SCFD2: variants seen among roughly 807,000 people sequenced by gnomAD.
SCFD2 encodes sec1 family domain containing 2, also known as sec1 family domain-containing protein 2.
Under a neutral mutation model 58.9 loss-of-function variants are expected in SCFD2, and 54 were observed. The ratio of observed to expected loss-of-function variants is 0.92; its 90% CI spans 0.74 to 1.15. The LOEUF is 1.15. Among genes scored for constraint, SCFD2 ranks in the 50% most tolerant of loss-of-function variants. The probability of loss-of-function intolerance (pLI) is 0.00; values close to 1 mark genes in which losing one functional copy is unlikely to be tolerated. For synonymous variants in SCFD2, 321 were observed against 335.9 expected (o/e 0.96, Z 0.49); for missense variants, 805 against 836.6 (o/e 0.96, Z 0.47).
intron 2 of SCFD2, among the ~76,000 whole-genome samples, chr4:53,346,914 T>A (rs1474337015): frequency 6.6e-6 from 1 of 152,168 alleles, no homozygotes; most frequent in Admixed American, 6.5e-5. Context: ...GCCCAATGTC[T>A]ATTTATTTTT....
chr4:53,216,540 T>C (rs1042788754), intron 4 of SCFD2, among the ~76,000 whole-genome samples: 20 of 152,266 alleles, frequency 1.3e-4, no homozygotes, highest in African/African-American at 4.1e-4. Flanking sequence ...TCTCTCTTTT[T>C]TTCTTTATTA....
chr4:53,220,189 T>G (rs1729006620), intron 4 of SCFD2, among the ~76,000 whole-genome samples: 1 of 152,234 alleles, frequency 6.6e-6, no homozygotes, highest in Non-Finnish European at 1.5e-5. Flanking sequence ...GCTTCATTTT[T>G]CTTCATAGCA....
chr4:52,929,375 T>C (rs190506441), intron 5 of SCFD2, among the ~76,000 whole-genome samples: 2 of 152,186 alleles, frequency 1.3e-5, no homozygotes, highest in African/African-American at 4.8e-5. Flanking sequence ...CCAGTTGCAC[T>C]ACTTTCTAAA....
chr4:53,023,389 C>T (rs193006731), intron 5 of SCFD2, among the ~76,000 whole-genome samples: 168 of 152,110 alleles, frequency 1.1e-3, no homozygotes, highest in African/African-American at 3.4e-3. Context: ...AATCATGAAC[C>T]CATGTGAACC....
intron 2 of SCFD2, among the ~76,000 whole-genome samples, chr4:53,333,327 T>G (rs1183329560): frequency 6.8e-6 from 1 of 146,340 alleles, no homozygotes; most frequent in Non-Finnish European, 1.5e-5. Context: ...GCTGGAGGCA[T>G]CACGCTACCT....
chr4:53,255,106 C>A (rs1199198970), intron 4 of SCFD2, among the ~76,000 whole-genome samples: 2 of 150,958 alleles, frequency 1.3e-5, no homozygotes, highest in East Asian at 3.9e-4. Context: ...CTCCTGATCT[C>A]GTGATCTGCC....
In SCFD2 at chr4:53,011,407, T is replaced by G. The variant is rs79121806; in HGVS notation, c.1562-90537A>C. Among the ~76,000 whole-genome samples, 490 of 152,262 alleles carry G rather than the reference T, an allele frequency of 3.2e-3. 3 individuals are homozygous for G. The highest frequency in any genetic ancestry group is 0.011 in the African/African-American group (477 of 41,564). ...AAAACAGTGACAGAGTTGACAGGATTTAGTGAGAAGAAGGACTTGATTAGG... is the reference window on the plus strand; with the variant it reads ...AAAACAGTGACAGAGTTGACAGGATGTAGTGAGAAGAAGGACTTGATTAGG... On this transcript the variant is annotated intron_variant, in intron 5 of 8. Transcript: ENST00000401642.
At chr4:53,267,698 A>G (rs551460624) in intron 4 of SCFD2, among the ~76,000 whole-genome samples, 6 of 152,166 alleles carry the variant, frequency 3.9e-5, no homozygotes, top group African/African-American at 7.2e-5. Flanking sequence ...CTCCTACTTC[A>G]GCCTCCTGAG....
chr4:52,971,820 C>T (rs1187689465), intron 5 of SCFD2, among the ~76,000 whole-genome samples: 6 of 152,024 alleles, frequency 3.9e-5, no homozygotes, highest in African/African-American at 7.2e-5. Flanking sequence ...CAGATCTCTC[C>T]GCAGAAACTC....
intron 4 of SCFD2, among the ~76,000 whole-genome samples, chr4:53,151,879 G>A (rs1462550772): frequency 2.6e-5 from 4 of 152,348 alleles, no homozygotes; most frequent in Non-Finnish European, 4.4e-5. Flanking sequence ...CAAAGGGGGT[G>A]CTCAGCACAT....
chr4:53,084,480 A>G (rs1213568541), intron 5 of SCFD2, among the ~76,000 whole-genome samples: 1 of 152,178 alleles, frequency 6.6e-6, no homozygotes, highest in Non-Finnish European at 1.5e-5. Flanking sequence ...TGTACAGTTA[A>G]CCCAATTATC....
chr4:52,885,826 A>T lies in SCFD2; in HGVS notation c.1883T>A (p.Leu628His). ...GACTGTGACCCCACCTACCACAAAG[A>T]GGATCAGGAGGGGGTAGTCACTAGG... ...PHPSDYPLLI[L>H]FVVGGVTVSE... Residue 628 changes from leucine (L) to histidine (H), a missense_variant, in exon 8 of 9, where the codon CTC becomes CAC. Leu to His is a moderately conservative substitution (Grantham distance 99). Coordinates refer to ENST00000401642, the MANE Select transcript of SCFD2 (RefSeq NM_152540.4). 2 of 1,614,126 alleles carry T rather than the reference A, an allele frequency of 1.2e-6. No individual in the cohort carries two copies. Among genetic ancestry groups the T allele is most frequent in the Non-Finnish European group, 1.7e-6 (2 of 1,179,968 alleles).
At chr4:52,876,455 A>T (rs980502754) in intron 8 of SCFD2, among the ~76,000 whole-genome samples, 2 of 152,148 alleles carry the variant, frequency 1.3e-5, no homozygotes, top group African/African-American at 4.8e-5. Context: ...CACAATTAAG[A>T]AGCCCTTTTT....
intron 4 of SCFD2, among the ~76,000 whole-genome samples, chr4:53,252,659 T>C (rs1730437894): frequency 6.6e-6 from 1 of 151,934 alleles, no homozygotes; most frequent in Non-Finnish European, 1.5e-5. Context: ...TAATAAATGG[T>C]GTTGGGAAAA....
intron 5 of SCFD2, among the ~76,000 whole-genome samples, chr4:52,980,553 CA>C (rs1721353397): frequency 6.6e-6 from 1 of 152,134 alleles, no homozygotes; most frequent in African/African-American, 2.4e-5. Context: ...GGATACAGCT[CA>C]AATTTTTTGG....
At chr4:53,243,353 C>T (rs1396335826) in intron 4 of SCFD2, among the ~76,000 whole-genome samples, 1 of 152,102 alleles carries the variant, frequency 6.6e-6, no homozygotes, top group Non-Finnish European at 1.5e-5. Context: ...GAAATTCCAA[C>T]CAAGAGTTTC....
intron 1 of SCFD2, among the ~76,000 whole-genome samples, chr4:53,358,158 CA>C (rs1734452686): frequency 1.3e-5 from 2 of 152,196 alleles, no homozygotes; most frequent in Non-Finnish European, 2.9e-5. Flanking sequence ...CACCTTAAAG[CA>C]AATATAAACA....
chr4:53,106,589 G>A (rs534346121), intron 5 of SCFD2, among the ~76,000 whole-genome samples: 13 of 152,232 alleles, frequency 8.5e-5, no homozygotes, highest in African/African-American at 1.9e-4. Context: ...ATCAATAGCC[G>A]AATGATCAAG....
intron 1 of SCFD2, among the ~76,000 whole-genome samples, chr4:53,358,489 G>T (rs1009977282): frequency 5.9e-5 from 9 of 151,646 alleles, no homozygotes; most frequent in Non-Finnish European, 8.8e-5. Context: ...GAAGGTGAAG[G>T]TTGCAGTGAG....
Sources: allele counts gnomAD v4.1 joint callset (sites outside exome capture counted in the v4.1 genomes callset), GRCh38; gene constraint gnomAD v4.1.1; transcripts MANE v1.5; gene names NCBI Gene and HGNC (gene_info 2026-07-23, HGNC 2026-07-21).